The following IREB2 variants were observed in gnomAD, a reference collection of about 807,000 sequenced individuals.
The protein encoded by IREB2 is iron-responsive element-binding protein 2.
A neutral mutation model predicts 118.8 loss-of-function variants in IREB2; 39 were observed. The observed-to-expected ratio is 0.33, with a 90% CI of 0.25 to 0.43. The LOEUF (loss-of-function observed/expected upper bound fraction) is 0.43. Among genes scored for constraint, IREB2 ranks in the 20% least tolerant of loss-of-function variants. The pLI, the probability that IREB2 is intolerant of heterozygous loss-of-function variation, is 1.00. For missense variants in IREB2, 900 were observed against 1,147.3 expected (o/e 0.78, Z 3.11); for synonymous variants, 372 against 392.2 (o/e 0.95, Z 0.61).
At chr15:78,484,643 A>T (rs1287402593) in intron 11 of IREB2, 118 bp from the exon 12 acceptor site, 1 of 703,158 alleles carries the variant, frequency 1.4e-6, no homozygotes, top group East Asian at 2.7e-5. Context: ...CATCACTCAC[A>T]AAAAGGATTT....
At position 78,471,764 on chromosome 15, in the gene IREB2, T is replaced by G. The variant is rs145927005; in HGVS notation, c.723T>G (p.Asn241Lys). ...FFKWSSRVFK[N>K]VAVIPPGTGM... ...AGTGGAGTTCAAGAGTTTTTAAGAA[T>G]GTGGCAGTGATCCCTCCTGGAACTG... is the stretch of plus-strand genomic sequence containing the variant. Residue 241 changes from asparagine (N) to lysine (K), a missense_variant, in exon 7 of 22, where the codon AAT (asparagine) becomes AAG (lysine). Physicochemically the swap from Asn to Lys is moderately conservative, Grantham distance 94. Coordinates refer to ENST00000258886, the MANE Select transcript of IREB2 (RefSeq NM_004136.4). The G allele has an allele frequency of 4.8e-5, 78 of 1,609,114 alleles. 1 individual carries two copies. In the African/African-American group the frequency reaches 1.0e-3, roughly 21 times the overall value.
chr15:78,463,298 G>A (rs909782537), intron 3 of IREB2, among the ~76,000 whole-genome samples: 17 of 152,028 alleles, frequency 1.1e-4, no homozygotes, highest in African/African-American at 3.9e-4. Context: ...TTAATTAGCC[G>A]AATGTAATGG....
intron 3 of IREB2, among the ~76,000 whole-genome samples, chr15:78,464,177 C>G (rs1482242826): frequency 3.3e-5 from 5 of 152,214 alleles, no homozygotes; most frequent in Non-Finnish European, 5.9e-5. Flanking sequence ...ATAGTCTGTT[C>G]TTTACACAGT....
intron 18 of IREB2, among the ~76,000 whole-genome samples, chr15:78,492,995 A>G (rs963773501): frequency 6.6e-6 from 1 of 152,196 alleles, no homozygotes; most frequent in African/African-American, 2.4e-5. Flanking sequence ...CCAGGAAAAG[A>G]CAGTTGGCTA....
At chr15:78,463,116 G>C in intron 3 of IREB2, 29 bp downstream of exon 3, 1 of 1,550,882 alleles carries the variant, frequency 6.4e-7, no homozygotes, top group East Asian at 2.3e-5. Flanking sequence ...TTTTGTGAAT[G>C]AACTCTTAGA....
chr15:78,472,025 C>A, intron 7 of IREB2, 101 bp downstream of exon 7: 1 of 853,430 alleles, frequency 1.2e-6, no homozygotes, highest in African/African-American at 1.7e-5. Flanking sequence ...CTCTTTGAGG[C>A]TCTGTGTTTT....
At chr15:78,473,892 A>G (rs1237066197) in intron 8 of IREB2, 1 of 152,250 alleles carries the variant, frequency 6.6e-6, no homozygotes, top group Non-Finnish European at 1.5e-5. Context: ...GTCGTCTTTA[A>G]TTAAATTATT....
At chr15:78,476,585 T>C in intron 9 of IREB2, 2 of 331,424 alleles carry the variant, frequency 6.0e-6, no homozygotes, top group South Asian at 1.3e-4. Flanking sequence ...ATTCAAACCA[T>C]TGATCCTGAC....
chr15:78,484,573 G>A (rs2051628021), intron 11 of IREB2, among the ~76,000 whole-genome samples, 188 bp from the exon 12 acceptor site: 2 of 152,166 alleles, frequency 1.3e-5, no homozygotes, highest in African/African-American at 2.4e-5. Context: ...GACTCCTGTC[G>A]TGCCCATGCA....
chr15:78,466,202 T>G, intron 4 of IREB2, 69 bp from the exon 5 acceptor site: 1 of 995,928 alleles, frequency 1.0e-6, no homozygotes, highest in Non-Finnish European at 1.5e-6. Flanking sequence ...CTAATGTGCG[T>G]TTTTTTTTAA....
At chr15:78,471,314 A>G (rs2051373349) in intron 6 of IREB2, among the ~76,000 whole-genome samples, 2 of 152,198 alleles carry the variant, frequency 1.3e-5, no homozygotes, top group South Asian at 2.1e-4. Flanking sequence ...CAGCCACTTT[A>G]GTAGTTTCTA....
chr15:78,478,267 A>G, intron 9 of IREB2, 30 bp from the exon 10 acceptor site: 4 of 1,370,596 alleles, frequency 2.9e-6, no homozygotes, highest in Non-Finnish European at 3.1e-6. Context: ...TTCTCACTGC[A>G]TTTTGTTGTT....
intron 18 of IREB2, among the ~76,000 whole-genome samples, chr15:78,491,934 CA>C (rs2051758432): frequency 6.6e-6 from 1 of 151,776 alleles, no homozygotes; most frequent in Admixed American, 6.6e-5. Flanking sequence ...GACATACCTC[CA>C]AAAAAGAAAA....
intron 2 of IREB2, among the ~76,000 whole-genome samples, chr15:78,461,845 A>G (rs1309316545): frequency 6.6e-6 from 1 of 152,194 alleles, no homozygotes; most frequent in East Asian, 1.9e-4. Flanking sequence ...CACCAGTCAC[A>G]ATCTCTGAAT....
chr15:78,448,086 A>G (rs2050961126), intron 2 of IREB2, among the ~76,000 whole-genome samples: 1 of 152,326 alleles, frequency 6.6e-6, no homozygotes, highest in Non-Finnish European at 1.5e-5. Context: ...TTATGCAGGA[A>G]TCTGTTTTGT....
chr15:78,442,194 C>T (rs1176289388), intron 2 of IREB2, among the ~76,000 whole-genome samples: 1 of 152,080 alleles, frequency 6.6e-6, no homozygotes, highest in African/African-American at 2.4e-5. Context: ...CTGCGCCCAG[C>T]CCCTCCTGCT....
In IREB2 at chr15:78,485,684, C is replaced by T. The variant is rs373249450; in HGVS notation, c.1574-21C>T. 273 of 1,607,288 alleles carry T rather than the reference C, an allele frequency of 1.7e-4. 2 individuals are homozygous for T. Among genetic ancestry groups the T allele is most frequent in the Admixed American group, 5.4e-4 (32 of 58,902 alleles). On this transcript the variant is annotated intron_variant, in intron 12 of 21. Coordinates refer to ENST00000258886, the MANE Select transcript of IREB2 (RefSeq NM_004136.4). ...GGAAAGAAACATTGCCATAATAAAT[C>T]ATTGTTTGTTGGCTGTGCAGGTCTT...
intron 18 of IREB2, among the ~76,000 whole-genome samples, chr15:78,493,476 AT>A (rs1249830577): frequency 6.6e-6 from 1 of 152,250 alleles, no homozygotes; most frequent in African/African-American, 2.4e-5. Flanking sequence ...TCAACTGTAG[AT>A]TAAAACACTT....
At chr15:78,464,558 A>G (rs768246270) in intron 3 of IREB2, among the ~76,000 whole-genome samples, 1 of 152,214 alleles carries the variant, frequency 6.6e-6, no homozygotes, top group Non-Finnish European at 1.5e-5. Flanking sequence ...CACATAACCA[A>G]TAGGTTTCTC....
Sources: gnomAD v4.1 joint callset for allele counts (sites outside exome capture counted in the v4.1 genomes callset) on GRCh38, gnomAD v4.1.1 for gene constraint, MANE v1.5 for transcripts, NCBI Gene and HGNC (gene_info 2026-07-23, HGNC 2026-07-21) for gene names.